The following GNB4 variants were observed in gnomAD, a reference collection of about 807,000 sequenced individuals.
GNB4 encodes the protein G protein subunit beta 4.
GNB4 carries 28 observed loss-of-function variants against 45.2 expected under a neutral mutation model. The ratio of observed to expected loss-of-function variants is 0.62; its 90% CI spans 0.46 to 0.85. The LOEUF is 0.85. Ranked by LOEUF, GNB4 falls within the 40% of genes least tolerant of loss-of-function variation. The probability of loss-of-function intolerance (pLI) is 0.00; values close to 1 mark genes in which losing one functional copy is unlikely to be tolerated. For missense variants in GNB4, 321 were observed against 425.4 expected (o/e 0.75, Z 2.16); for synonymous variants, 132 against 143.7 (o/e 0.92, Z 0.58).
At chr3:179,427,614 A>G (rs1715184525) in intron 1 of GNB4, among the ~76,000 whole-genome samples, 2 of 151,776 alleles carry the variant, frequency 1.3e-5, no homozygotes, top group African/African-American at 4.8e-5. Flanking sequence ...TTAAAAAAAA[A>G]AAAAAAAAAA....
At chr3:179,499,400 C>T in the GNB4 span, among the ~76,000 whole-genome samples, 1 of 152,098 alleles carries the variant, frequency 6.6e-6, no homozygotes, top group Non-Finnish European at 1.5e-5. Flanking sequence ...ACCTTGTGAT[C>T]CACCCGCCTT....
chr3:179,403,222 G>A (rs186149689), intron 9 of GNB4, among the ~76,000 whole-genome samples: 7 of 151,794 alleles, frequency 4.6e-5, no homozygotes, highest in African/African-American at 1.7e-4. Context: ...TGGTTTTAGT[G>A]CCTCGCTCTT....
chr3:179,519,646 G>A, the GNB4 span, among the ~76,000 whole-genome samples: 9 of 152,190 alleles, frequency 5.9e-5, no homozygotes, highest in African/African-American at 2.2e-4. Flanking sequence ...TAAATGATCT[G>A]CTTCCCTAAC....
chr3:179,409,680 T>C (rs7651877), intron 8 of GNB4, among the ~76,000 whole-genome samples: 30,641 of 151,234 alleles, frequency 0.2, 3,196 homozygotes, highest in Middle Eastern at 0.26. Flanking sequence ...CGTGGTGGTG[T>C]GCGCCTGTAG....
chr3:179,476,452 T>TA, the GNB4 span, among the ~76,000 whole-genome samples: 2 of 152,200 alleles, frequency 1.3e-5, no homozygotes, highest in African/African-American at 4.8e-5. Context: ...TCTCCCAGGC[T>TA]AGTGTTGCAA....
At chr3:179,487,771 C>T in the GNB4 span, among the ~76,000 whole-genome samples, 2 of 152,120 alleles carry the variant, frequency 1.3e-5, no homozygotes, top group Non-Finnish European at 2.9e-5. Context: ...TGCAGCTTGG[C>T]CAGGTGCGTT....
upstream of GNB4, among the ~76,000 whole-genome samples, chr3:179,454,736 C>G (rs1371805730): frequency 2.6e-5 from 4 of 152,180 alleles, no homozygotes; most frequent in African/African-American, 7.2e-5. Flanking sequence ...CAGTACCGCC[C>G]TGTATGTGTT....
the GNB4 span, among the ~76,000 whole-genome samples, chr3:179,498,881 A>G: frequency 5.3e-5 from 8 of 151,050 alleles, no homozygotes; most frequent in Non-Finnish European, 1.0e-4. Flanking sequence ...CCCGTCATCT[A>G]TATTAGGCAT....
chr3:179,522,333 T>C, the GNB4 span, among the ~76,000 whole-genome samples: 1 of 152,128 alleles, frequency 6.6e-6, no homozygotes, highest in Non-Finnish European at 1.5e-5. Context: ...TAATTTTCCT[T>C]CACCTACCCA....
chr3:179,471,110 C>T, the GNB4 span, among the ~76,000 whole-genome samples: 110,543 of 150,538 alleles, frequency 0.73, 40,934 homozygotes, highest in East Asian at 0.98. Flanking sequence ...ACCCAGGAGG[C>T]GGAGCTTGCA....
chr3:179,480,769 T>C, the GNB4 span, among the ~76,000 whole-genome samples: 1 of 152,166 alleles, frequency 6.6e-6, no homozygotes, highest in Non-Finnish European at 1.5e-5. Context: ...TCCTGGTCAG[T>C]CAGTCTCTAC....
At chr3:179,504,075 A>T in the GNB4 span, among the ~76,000 whole-genome samples, 6 of 152,122 alleles carry the variant, frequency 3.9e-5, no homozygotes, top group African/African-American at 1.4e-4. Flanking sequence ...AAGTTTTTAT[A>T]ACTGCTTTCC....
intron 1 of GNB4, among the ~76,000 whole-genome samples, chr3:179,448,232 T>C (rs200443201): frequency 6.6e-6 from 1 of 152,244 alleles, no homozygotes; most frequent in East Asian, 1.9e-4. Context: ...CTCCCAGTGC[T>C]GGGATTACAG....
chr3:179,479,770 A>G, the GNB4 span, among the ~76,000 whole-genome samples: 1 of 152,236 alleles, frequency 6.6e-6, no homozygotes, highest in African/African-American at 2.4e-5. Context: ...CTCTTCTTAA[A>G]TAGCAAATAT....
the GNB4 span, among the ~76,000 whole-genome samples, chr3:179,468,745 C>A: frequency 1.3e-5 from 2 of 152,128 alleles, no homozygotes; most frequent in Non-Finnish European, 2.9e-5. Flanking sequence ...AAATATCTTT[C>A]TTTGACATAT....
rs1714141730 is a variant in GNB4 at position 179,397,122 on chromosome 3, G to A, written c.*4091C>T. 4 of 152,108 alleles carry A rather than the reference G, an allele frequency of 2.6e-5. No homozygotes were observed. Among genetic ancestry groups the A allele is most frequent in the South Asian group, 2.1e-4 (1 of 4,826 alleles). The allele number at this position is 152,108 out of a possible 1,614,324, so 9.4% of individuals were successfully genotyped here. A position where few individuals can be genotyped will look rare whatever the true frequency, so the allele number is the denominator to read the frequency against. On this transcript the variant is annotated 3_prime_UTR_variant, in exon 10 of 10. Coordinates refer to ENST00000232564, the MANE Select transcript of GNB4 (RefSeq NM_021629.4). ...CCCTGAAGATTTCAGAAAGAACATC[G>A]TCACTATTAAAATGATGACAGGCCC...
intron 3 of GNB4, among the ~76,000 whole-genome samples, chr3:179,419,913 T>A (rs574523043): frequency 6.6e-6 from 1 of 152,130 alleles, no homozygotes; most frequent in African/African-American, 2.4e-5. Context: ...ACTTCCTTAA[T>A]AATAATGATC....
chr3:179,414,816 A>G, intron 6 of GNB4, 69 bp downstream of exon 6: 2 of 1,298,864 alleles, frequency 1.5e-6, no homozygotes, highest in South Asian at 2.0e-5. Flanking sequence ...ACAATCTGTC[A>G]TTTGTCCTTG....
At chr3:179,453,863 A>C (rs1559985535), upstream of GNB4, among the ~76,000 whole-genome samples, 1 of 152,058 alleles carries the variant, frequency 6.6e-6, no homozygotes, top group Non-Finnish European at 1.5e-5. Flanking sequence ...AAAAAAAAAA[A>C]ACTTACTTGT....
Sources: gnomAD v4.1 joint callset for allele counts (sites outside exome capture counted in the v4.1 genomes callset) on GRCh38, gnomAD v4.1.1 for gene constraint, MANE v1.5 for transcripts, NCBI Gene and HGNC (gene_info 2026-07-23, HGNC 2026-07-21) for gene names.